Variants in TPH2 observed in about 807,000 individuals in gnomAD.
TPH2 encodes the protein tryptophan hydroxylase 2.
A neutral mutation model predicts 59.1 loss-of-function variants in TPH2; 27 were observed. The ratio of observed to expected loss-of-function variants is 0.46; its 90% CI spans 0.34 to 0.63. The LOEUF (loss-of-function observed/expected upper bound fraction) is 0.63, where lower values mean the gene tolerates loss of function less well. Among genes scored for constraint, TPH2 ranks in the 30% least tolerant of loss-of-function variants. The pLI is 0.01. For missense variants in TPH2, 523 were observed against 588.3 expected (o/e 0.89, Z 1.15); for synonymous variants, 220 against 210.5 (o/e 1.05, Z -0.39).
At chr12:72,017,871 G>T (rs10506648) in intron 8 of TPH2, among the ~76,000 whole-genome samples, 2,881 of 152,290 alleles carry the variant, frequency 0.019, 98 homozygotes, top group African/African-American at 0.066. Flanking sequence ...TTTAAAACCA[G>T]ACTGTAGCAA....
At chr12:71,943,910 T>C (rs1871135888) in intron 2 of TPH2, among the ~76,000 whole-genome samples, 1 of 152,080 alleles carries the variant, frequency 6.6e-6, no homozygotes, top group Non-Finnish European at 1.5e-5. Context: ...TTTAGTTATG[T>C]TTTTCAGAAA....
intron 6 of TPH2, 119 bp downstream of exon 6, chr12:71,972,834 T>C (rs1872011902): frequency 8.7e-7 from 1 of 1,150,820 alleles, no homozygotes; most frequent in South Asian, 1.4e-5. Flanking sequence ...AAAAAATTGT[T>C]GGCTTTGAGC....
chr12:72,001,022 T>C (rs147624562), intron 8 of TPH2, among the ~76,000 whole-genome samples: 2 of 152,346 alleles, frequency 1.3e-5, no homozygotes, highest in African/African-American at 4.8e-5. Flanking sequence ...CAATTCAGTC[T>C]ATTCATTTCT....
At chr12:71,951,748 G>T (rs532617684) in intron 5 of TPH2, among the ~76,000 whole-genome samples, 14 of 152,056 alleles carry the variant, frequency 9.2e-5, no homozygotes, top group African/African-American at 3.1e-4. Context: ...GATTTCGGCC[G>T]GGTACAGTGG....
intron 5 of TPH2, among the ~76,000 whole-genome samples, chr12:71,961,349 C>A (rs1486102346): frequency 5.3e-5 from 8 of 152,140 alleles, no homozygotes; most frequent in African/African-American, 1.7e-4. Flanking sequence ...TTGTTATTGT[C>A]ACAGTGAAAT....
rs529030879 is a variant in TPH2, at chr12:72,001,428, CT to C, written c.1068+6878del. Among the ~76,000 whole-genome samples the C allele has an allele frequency of 3.3e-3, 462 of 140,836 alleles. 1 individual carries two copies. Among genetic ancestry groups the C allele is most frequent in the Middle Eastern group, 3.7e-3 (1 of 272 alleles). 92.4% of individuals were successfully genotyped at this position (140,836 alleles called of 152,430 possible). A position where few individuals can be genotyped will look rare whatever the true frequency, so the allele number is the denominator to read the frequency against. ...TAGCTTAAATAAACAGCTTTGTGTT[CT>C]TTTTTTTTTTTTTTGAGACAGAGTT... On this transcript the variant is annotated intron_variant, in intron 8 of 10. Transcript: ENST00000333850.
chr12:72,002,185 T>A (rs1872839638), intron 8 of TPH2, among the ~76,000 whole-genome samples: 1 of 152,122 alleles, frequency 6.6e-6, no homozygotes, highest in Non-Finnish European at 1.5e-5. Context: ...ACAACCATGA[T>A]TTGTCAATCA....
At chr12:71,948,633 C>G (rs1056780916) in intron 4 of TPH2, among the ~76,000 whole-genome samples, 1 of 152,202 alleles carries the variant, frequency 6.6e-6, no homozygotes, top group Non-Finnish European at 1.5e-5. Flanking sequence ...GTTCTTCACT[C>G]TCCAGTGCCA....
intron 4 of TPH2, among the ~76,000 whole-genome samples, chr12:71,947,694 T>C (rs765799751): frequency 6.6e-6 from 1 of 152,154 alleles, no homozygotes; most frequent in Non-Finnish European, 1.5e-5. Flanking sequence ...TCACTACTAG[T>C]GCAGCTAGCG....
chr12:71,962,705 C>T (rs7299528), intron 5 of TPH2: 791,448 of 972,126 alleles, frequency 0.81, 322,838 homozygotes, highest in Non-Finnish European at 0.82. Context: ...ACTCACTTAA[C>T]AAATATTATT....
intron 7 of TPH2, among the ~76,000 whole-genome samples, chr12:71,982,158 C>A (rs1028780175): frequency 1.3e-5 from 2 of 151,446 alleles, no homozygotes; most frequent in Non-Finnish European, 2.9e-5. Context: ...CGTGCAACAC[C>A]ATACCCAGCT....
intron 7 of TPH2, among the ~76,000 whole-genome samples, chr12:71,991,747 A>G (rs781744093): frequency 6.6e-6 from 1 of 152,214 alleles, no homozygotes; most frequent in African/African-American, 2.4e-5. Context: ...TCAAATGCAC[A>G]TGGAGAATGA....
chr12:72,008,247 T>C (rs1873007342), intron 8 of TPH2, among the ~76,000 whole-genome samples: 1 of 152,234 alleles, frequency 6.6e-6, no homozygotes, highest in African/African-American at 2.4e-5. Context: ...GTAGAATAGA[T>C]GTTAATACTT....
chr12:71,962,425 T>C, intron 5 of TPH2: 1 of 985,456 alleles, frequency 1.0e-6, no homozygotes, highest in Non-Finnish European at 1.2e-6. Context: ...AAAATTTTGG[T>C]TACAAGTGTG....
At chr12:71,989,317 C>A (rs1872522718) in intron 7 of TPH2, among the ~76,000 whole-genome samples, 1 of 152,224 alleles carries the variant, frequency 6.6e-6, no homozygotes. Flanking sequence ...TCATCTTATG[C>A]AGTGAAAGCA....
chr12:72,003,878 C>T (rs1324691740), intron 8 of TPH2, among the ~76,000 whole-genome samples: 1 of 152,176 alleles, frequency 6.6e-6, no homozygotes, highest in Non-Finnish European at 1.5e-5. Context: ...TGCTAGGGCT[C>T]TCAGAGAGCC....
chr12:71,991,934 A>G (rs182979057), intron 7 of TPH2, among the ~76,000 whole-genome samples: 6 of 152,302 alleles, frequency 3.9e-5, no homozygotes, highest in Admixed American at 6.5e-5. Context: ...CAGTTATCAC[A>G]GTGAATCTCA....
intron 8 of TPH2, among the ~76,000 whole-genome samples, chr12:72,008,494 A>T (rs992341277): frequency 2.0e-5 from 3 of 152,152 alleles, no homozygotes; most frequent in African/African-American, 7.2e-5. Flanking sequence ...AGCATCTGAC[A>T]TATGTTCATT....
intron 8 of TPH2, among the ~76,000 whole-genome samples, chr12:72,008,978 G>T (rs898125573): frequency 6.6e-6 from 1 of 152,022 alleles, no homozygotes; most frequent in African/African-American, 2.4e-5. Context: ...CCTGCATCTT[G>T]CTTATAGTGT....
Sources: allele counts gnomAD v4.1 joint callset (sites outside exome capture counted in the v4.1 genomes callset), GRCh38; gene constraint gnomAD v4.1.1; transcripts MANE v1.5; gene names NCBI Gene and HGNC (gene_info 2026-07-23, HGNC 2026-07-21).